CFAP54: variants seen among roughly 807,000 people sequenced by gnomAD.
The protein encoded by CFAP54 is cilia and flagella associated protein 54.
A neutral mutation model predicts 370.4 loss-of-function variants in CFAP54; 290 were observed. That is an observed-to-expected ratio of 0.78 (90% CI 0.71 to 0.86). The LOEUF (loss-of-function observed/expected upper bound fraction) is 0.86. Ranked by LOEUF, CFAP54 falls within the 40% of genes least tolerant of loss-of-function variation. The pLI is 0.00. For missense variants in CFAP54, 3,399 were observed against 3,528.7 expected (o/e 0.96, Z 0.93); for synonymous variants, 1,206 against 1,236.5 (o/e 0.98, Z 0.52).
chr12:96,704,785 G>GA lies in CFAP54; in HGVS notation c.6521dup (p.Asn2174LysfsTer6). 8.7e-7 allele frequency: 1 copy of GA among 1,148,552 alleles called. No homozygotes were observed. Among genetic ancestry groups the GA allele is most frequent in the Non-Finnish European group, 1.2e-6 (1 of 818,804 alleles). The allele number at this position is 1,148,552 out of a possible 1,614,324, so 71.1% of individuals were successfully genotyped here. A position where few individuals can be genotyped will look rare whatever the true frequency, so the allele number is the denominator to read the frequency against. ...CTCAGGAAAACTTCTTACCAGTAAA[G>GA]AAAATATACAGGTAAGGATAATAAT... On this transcript the variant is annotated frameshift_variant, in exon 47 of 68. Transcript: ENST00000524981. LOFTEE classifies it high-confidence loss of function.
intron 36 of CFAP54, among the ~76,000 whole-genome samples, chr12:96,653,942 A>G (rs563330487): frequency 7.2e-5 from 11 of 152,286 alleles, no homozygotes; most frequent in African/African-American, 2.6e-4. Context: ...TACAAATCCT[A>G]TAGATATTAA....
intron 49 of CFAP54, 51 bp from the exon 50 acceptor site, chr12:96,720,354 A>G: frequency 7.8e-7 from 1 of 1,286,050 alleles, no homozygotes; most frequent in Non-Finnish European, 1.0e-6. Context: ...AGAAAGAGAC[A>G]GTATTTGTAT....
intron 63 of CFAP54, among the ~76,000 whole-genome samples, chr12:96,793,866 T>A (rs553843864): frequency 5.3e-5 from 8 of 151,614 alleles, no homozygotes; most frequent in Admixed American, 2.0e-4. Context: ...CTTTTGAGAA[T>A]TGTCTATTCA....
At chr12:96,686,372 G>C (rs1450733319) in intron 42 of CFAP54, among the ~76,000 whole-genome samples, 3 of 152,218 alleles carry the variant, frequency 2.0e-5, no homozygotes, top group Middle Eastern at 3.4e-3. Flanking sequence ...GAGGTTACTG[G>C]GTATGTTAGG....
At chr12:96,764,272 C>CTT (rs1196953294) in intron 59 of CFAP54, 23 bp downstream of exon 59, 6 of 1,542,258 alleles carry the variant, frequency 3.9e-6, no homozygotes, top group Non-Finnish European at 5.4e-6. Context: ...TTTGTTTAAT[C>CTT]TTTCTTCTTA....
rs1339305519 is a variant in CFAP54, at chr12:96,664,806, T to G, written c.5563+874T>G. 2.4e-3 allele frequency among the ~76,000 whole-genome samples: 115 copies of G among 47,850 alleles called. 7 individuals are homozygous for G. The highest frequency in any genetic ancestry group is 6.9e-3 in the African/African-American group (92 of 13,298). 31.4% of individuals were successfully genotyped at this position (47,850 alleles called of 152,430 possible). ...ATATATATATATATATATATATATATATATATAGATATATATATGTATATC... is the reference window on the plus strand; with the variant it reads ...ATATATATATATATATATATATATAGATATATAGATATATATATGTATATC... On this transcript the variant is annotated intron_variant, in intron 39 of 67. Transcript: ENST00000524981.
chr12:96,610,042 A>G (rs1185734779), intron 26 of CFAP54, among the ~76,000 whole-genome samples: 3 of 152,244 alleles, frequency 2.0e-5, no homozygotes, highest in Admixed American at 6.5e-5. Flanking sequence ...AAAAGTTCTC[A>G]ATAGATATTA....
chr12:96,834,785 T>TA (rs1164014526), intron 66 of CFAP54, among the ~76,000 whole-genome samples: 1 of 152,222 alleles, frequency 6.6e-6, no homozygotes, highest in Non-Finnish European at 1.5e-5. Flanking sequence ...TTGTTTGTGT[T>TA]ACAGCTTTTT....
intron 2 of CFAP54, 40 bp downstream of exon 2, chr12:96,500,979 T>C: frequency 3.2e-6 from 4 of 1,237,442 alleles, no homozygotes; most frequent in Non-Finnish European, 4.5e-6. Flanking sequence ...AGAAGTTCAT[T>C]TGGCTAATTA....
At position 96,504,983 on chromosome 12, in the gene CFAP54, T is replaced by C. The variant is rs532504775; in HGVS notation, c.567+954T>C. ...TCTTTCTTTCTTTCTTTCCCTTTCT[T>C]TCTTCTTTCTTTTTCTTTCTTTCTT... On this transcript the variant is annotated intron_variant, in intron 3 of 67. Transcript: ENST00000524981. 7.4e-5 allele frequency among the ~76,000 whole-genome samples: 11 copies of C among 148,750 alleles called. No individual in the cohort carries two copies. The East Asian group carries it at 2.5e-3, about 33-fold the overall frequency.
chr12:96,634,213 G>A (rs1430158673), intron 32 of CFAP54, among the ~76,000 whole-genome samples: 3 of 151,476 alleles, frequency 2.0e-5, no homozygotes, highest in African/African-American at 4.8e-5. Context: ...GCACCACCAC[G>A]CTTGACTAAT....
At chr12:96,499,663 G>A (rs976379430) in intron 1 of CFAP54, among the ~76,000 whole-genome samples, 2 of 152,010 alleles carry the variant, frequency 1.3e-5, no homozygotes, top group Non-Finnish European at 2.9e-5. Context: ...CCTGCACATC[G>A]GGCTGGGAGC....
chr12:96,544,700 C>T (rs1221767138), intron 14 of CFAP54, among the ~76,000 whole-genome samples: 35 of 152,162 alleles, frequency 2.3e-4, no homozygotes. Context: ...TATCTTAGTC[C>T]ATTTTCTGTT....
At chr12:96,651,302 C>T (rs997943746) in intron 35 of CFAP54, among the ~76,000 whole-genome samples, 2 of 152,202 alleles carry the variant, frequency 1.3e-5, no homozygotes, top group African/African-American at 4.8e-5. Context: ...CTGCTGAATT[C>T]CCAGCACCTA....
Position 96,630,645 on chromosome 12 carries a change from A to C in CFAP54, c.4310A>C (p.His1437Pro), listed in dbSNP as rs1190070976. ...CCGGCTATTTCTGAAATGGTGGCAC[A>C]TGAAAGGTATTCACTAATTAATTAA... is the stretch of plus-strand genomic sequence containing the variant. Reference protein sequence around the residue: ...KNPAISEMVAHERNRRTSVRK... With the variant: ...KNPAISEMVAPERNRRTSVRK... The change falls in exon 32 of 68, where the codon CAT becomes CCT. Residue 1437 changes from histidine to proline, a missense_variant. Coordinates refer to ENST00000524981, the MANE Select transcript of CFAP54 (RefSeq NM_001306084.2). 7 of 1,477,962 alleles carry C rather than the reference A, an allele frequency of 4.7e-6. No individual in the cohort carries two copies. The African/African-American group carries it at 8.6e-5, about 18-fold the overall frequency. The allele number at this position is 1,477,962 out of a possible 1,614,324, so 91.6% of individuals were successfully genotyped here.
chr12:96,634,046 C>CTTT lies in CFAP54; in HGVS notation c.4316+3420_4316+3422dup, dbSNP rs71437232. On this transcript the variant is annotated intron_variant, in intron 32 of 67. Transcript: ENST00000524981. ...TCTAATGGCTAATGATAGCGAACAT[C>CTTT]TTTTTTTTTTTTTTTTTTTTTTTTT... is the stretch of plus-strand genomic sequence containing the variant. Among the ~76,000 whole-genome samples the CTTT allele has an allele frequency of 2.2e-3, 126 of 56,902 alleles. 27 individuals are homozygous for CTTT. The highest frequency in any genetic ancestry group is 5.0e-3 in the African/African-American group (79 of 15,818). The allele number at this position is 56,902 out of a possible 152,430, so 37.3% of individuals were successfully genotyped here.
chr12:96,674,838 A>G lies in CFAP54; in HGVS notation c.5564-4762A>G, dbSNP rs577084930. On this transcript the variant is annotated intron_variant, in intron 39 of 67. Coordinates refer to ENST00000524981, the MANE Select transcript of CFAP54 (RefSeq NM_001306084.2). ...AGTGCCTAGTACTTGTGAGCACTCA[A>G]TTTATACCTATTTAATAAATGGTGC... Among the ~76,000 whole-genome samples the G allele has an allele frequency of 8.5e-5, 13 of 152,278 alleles. No homozygotes were observed. The East Asian group carries it at 2.1e-3, about 25-fold the overall frequency.
chr12:96,871,088 G>A (rs922054004), intron 67 of CFAP54, among the ~76,000 whole-genome samples: 1 of 152,212 alleles, frequency 6.6e-6, no homozygotes, highest in African/African-American at 2.4e-5. Context: ...GAGGGAGACA[G>A]TGTGGGGAGC....
At chr12:96,493,753 G>A (rs1202604473) in intron 1 of CFAP54, among the ~76,000 whole-genome samples, 5 of 152,124 alleles carry the variant, frequency 3.3e-5, no homozygotes, top group South Asian at 2.1e-4. Flanking sequence ...AGCCAAGATC[G>A]CGCCAGTGCA....
Sources: allele counts gnomAD v4.1 joint callset (sites outside exome capture counted in the v4.1 genomes callset), GRCh38; gene constraint gnomAD v4.1.1; transcripts MANE v1.5; gene names NCBI Gene and HGNC (gene_info 2026-07-23, HGNC 2026-07-21).